Variants in PDE4B observed in about 807,000 individuals in gnomAD.
PDE4B encodes phosphodiesterase 4B.
A neutral mutation model predicts 82.2 loss-of-function variants in PDE4B; 20 were observed. The ratio of observed to expected loss-of-function variants is 0.24; its 90% CI spans 0.17 to 0.35. PDE4B has a LOEUF of 0.35. Ranked by LOEUF, PDE4B falls within the 10% of genes least tolerant of loss-of-function variation. PDE4B has a pLI of 1.00. For missense variants in PDE4B, 655 were observed against 907.2 expected (o/e 0.72, Z 3.57); for synonymous variants, 320 against 318.9 (o/e 1.00, Z -0.04).
chr1:66,196,916 A>C (rs1444383050), intron 3 of PDE4B, among the ~76,000 whole-genome samples: 11 of 152,238 alleles, frequency 7.2e-5, no homozygotes, highest in Admixed American at 6.5e-4. Flanking sequence ...ATATGTAACT[A>C]ACCTACACAA....
At chr1:66,225,826 A>G (rs1320810586) in intron 3 of PDE4B, among the ~76,000 whole-genome samples, 1 of 152,128 alleles carries the variant, frequency 6.6e-6, no homozygotes, top group African/African-American at 2.4e-5. Context: ...TATTTGCTTA[A>G]TGGATTAGTA....
intron 3 of PDE4B, among the ~76,000 whole-genome samples, chr1:66,209,264 A>G (rs920930370): frequency 6.6e-6 from 1 of 152,176 alleles, no homozygotes; most frequent in Non-Finnish European, 1.5e-5. Flanking sequence ...TATTTATTGA[A>G]ACTATTATTT....
At chr1:65,916,677 T>A (rs1481631830) in intron 2 of PDE4B, among the ~76,000 whole-genome samples, 3 of 152,068 alleles carry the variant, frequency 2.0e-5, no homozygotes, top group Non-Finnish European at 4.4e-5. Context: ...CCTAAAGAAG[T>A]TTGTAAGTCT....
chr1:65,910,743 G>C (rs932317737), intron 1 of PDE4B, among the ~76,000 whole-genome samples: 1 of 152,118 alleles, frequency 6.6e-6, no homozygotes, highest in African/African-American at 2.4e-5. Context: ...AGCAGAGAGG[G>C]TCCCCTCTTT....
At chr1:66,055,442 TA>T (rs1187105192) in intron 3 of PDE4B, among the ~76,000 whole-genome samples, 2 of 152,372 alleles carry the variant, frequency 1.3e-5, no homozygotes, top group African/African-American at 4.8e-5. Flanking sequence ...GCCTGGCACA[TA>T]GTAGCTATTA....
chr1:65,842,787 G>A (rs948382958), intron 1 of PDE4B, among the ~76,000 whole-genome samples: 3 of 152,130 alleles, frequency 2.0e-5, no homozygotes, highest in Non-Finnish European at 1.5e-5. Context: ...ACATGCGTGT[G>A]TATTTATTTT....
chr1:66,367,577 G>A (rs1211694028), intron 13 of PDE4B, 119 bp from the exon 14 acceptor site: 3 of 771,832 alleles, frequency 3.9e-6, no homozygotes, highest in Non-Finnish European at 6.1e-6. Flanking sequence ...GAAATGACAT[G>A]TAGCTGGTGG....
At position 65,913,365 on chromosome 1, in the gene PDE4B, C is replaced by G; in HGVS notation, c.42+9C>G. 6.2e-7 allele frequency: 1 copy of G among 1,612,816 alleles called. No individual in the cohort carries two copies. Among genetic ancestry groups the G allele is most frequent in the Non-Finnish European group, 8.5e-7 (1 of 1,178,960 alleles). ...CGGTGATGGCTGATGATGTAAGTTT[C>G]AAAAGGTCCCAATCATGTTTGGTCT... On this transcript the variant is annotated intron_variant, in intron 2 of 16. Coordinates refer to ENST00000341517, the MANE Select transcript of PDE4B (RefSeq NM_002600.4).
rs11208798 is a variant in PDE4B, at chr1:66,095,591, A to C, written c.282-151869A>C. Among the ~76,000 whole-genome samples the C allele has an allele frequency of 5.9e-3, 904 of 152,044 alleles. 15 individuals are homozygous for C. Among genetic ancestry groups the C allele is most frequent in the African/African-American group, 0.02 (836 of 41,544 alleles). ...TCTCCATATGTCTGTTGTTATTCCA[A>C]CTCAGAATCTGTGATATTAATAGCC... On this transcript the variant is annotated intron_variant, in intron 3 of 16. Transcript: ENST00000341517.
intron 1 of PDE4B, among the ~76,000 whole-genome samples, chr1:65,808,958 A>C (rs1031664836): frequency 6.6e-6 from 1 of 152,182 alleles, no homozygotes; most frequent in African/African-American, 2.4e-5. Flanking sequence ...CAATATGTTT[A>C]GGTTTTAACA....
chr1:65,876,711 A>G (rs1267717614), intron 1 of PDE4B, among the ~76,000 whole-genome samples: 1 of 152,182 alleles, frequency 6.6e-6, no homozygotes, highest in African/African-American at 2.4e-5. Flanking sequence ...TGTTACTTAT[A>G]ATCATACAAT....
At chr1:66,350,399 A>C (rs1557719334) in intron 8 of PDE4B, among the ~76,000 whole-genome samples, 1 of 151,954 alleles carries the variant, frequency 6.6e-6, no homozygotes. Flanking sequence ...CTGTTCTTAC[A>C]GTTTTCTCCT....
chr1:66,096,507 A>ATT (rs952165910), intron 3 of PDE4B, among the ~76,000 whole-genome samples: 9 of 5,394 alleles, frequency 1.7e-3, no homozygotes, highest in African/African-American at 2.8e-3. Flanking sequence ...AGTAAAAAAA[A>ATT]TTATATATAT....
chr1:66,301,038 T>C (rs1416569265), intron 7 of PDE4B, among the ~76,000 whole-genome samples: 1 of 152,190 alleles, frequency 6.6e-6, no homozygotes, highest in African/African-American at 2.4e-5. Context: ...TGTGTGTGTG[T>C]GTTTACACAT....
At chr1:66,099,206 A>T (rs1161131997) in intron 3 of PDE4B, among the ~76,000 whole-genome samples, 1 of 152,026 alleles carries the variant, frequency 6.6e-6, no homozygotes, top group African/African-American at 2.4e-5. Context: ...CTTATAAGTG[A>T]GAACATGCGG....
In PDE4B at chr1:65,998,077, G is replaced by A. The variant is rs768975295; in HGVS notation, c.281+79242G>A. ...AACAATAATAGCTCTAATATATTCA[G>A]CACTTATATAATGTGTTGGATATTA... On this transcript the variant is annotated intron_variant, in intron 3 of 16. Transcript: ENST00000341517. Among the ~76,000 whole-genome samples the A allele has an allele frequency of 2.0e-4, 30 of 151,968 alleles. 1 individual carries two copies. Among genetic ancestry groups the A allele is most frequent in the Non-Finnish European group, 3.8e-4 (26 of 68,014 alleles).
At chr1:66,213,668 A>G (rs942791088) in intron 3 of PDE4B, among the ~76,000 whole-genome samples, 2 of 152,148 alleles carry the variant, frequency 1.3e-5, no homozygotes, top group East Asian at 3.8e-4. Context: ...GATGGAGACC[A>G]CGTGTATGGC....
intron 3 of PDE4B, among the ~76,000 whole-genome samples, chr1:66,171,863 C>T (rs781450233): frequency 2.6e-5 from 4 of 152,130 alleles, no homozygotes; most frequent in Non-Finnish European, 4.4e-5. Context: ...TGATATGTGA[C>T]TCATTGTGGT....
chr1:65,830,974 T>A (rs1646075511), intron 1 of PDE4B, among the ~76,000 whole-genome samples: 2 of 152,096 alleles, frequency 1.3e-5, no homozygotes, highest in African/African-American at 4.8e-5. Context: ...TTGTTAAAAA[T>A]AATTTGAACT....
Sources: gnomAD v4.1 joint callset for allele counts (sites outside exome capture counted in the v4.1 genomes callset) on GRCh38, gnomAD v4.1.1 for gene constraint, MANE v1.5 for transcripts, NCBI Gene and HGNC (gene_info 2026-07-23, HGNC 2026-07-21) for gene names.